OR3A2: variants seen among roughly 807,000 people sequenced by gnomAD.
OR3A2 encodes olfactory receptor 3A2.
For synonymous variants in OR3A2, 126 were observed against 159.3 expected, an observed-to-expected ratio of 0.79 and a Z score of 1.57; for missense variants, 318 against 392.8, an observed-to-expected ratio of 0.81 and a Z score of 1.61.
intron 2 of OR3A2, among the ~76,000 whole-genome samples, chr17:3,361,382 T>C (rs544172966): frequency 1.7e-4 from 26 of 151,684 alleles, no homozygotes; most frequent in Admixed American, 1.3e-4. Context: ...TGACTTCCTC[T>C]TTTCCTAACT....
At chr17:3,353,036 T>G (rs959811242) in intron 2 of OR3A2, among the ~76,000 whole-genome samples, 12 of 151,798 alleles carry the variant, frequency 7.9e-5, no homozygotes, top group African/African-American at 2.7e-4. Context: ...CTTTTCAGAT[T>G]GTTCACTGTT....
intron 2 of OR3A2, among the ~76,000 whole-genome samples, chr17:3,371,694 G>A (rs1342646128): frequency 3.1e-5 from 4 of 127,360 alleles, no homozygotes; most frequent in Admixed American, 1.5e-4. Context: ...CCGGGCGGGG[G>A]TGCTGACCCC....
intron 3 of OR3A2, among the ~76,000 whole-genome samples, chr17:3,331,787 C>T (rs540536210): frequency 9.2e-5 from 14 of 151,790 alleles, no homozygotes; most frequent in East Asian, 3.9e-4. Context: ...GGAGGAGAGG[C>T]GCTCTGCATT....
At chr17:3,319,138 C>A (rs2017991) in intron 3 of OR3A2, among the ~76,000 whole-genome samples, 5,948 of 152,156 alleles carry the variant, frequency 0.039, 183 homozygotes, top group Middle Eastern at 0.082. Context: ...AGTGTCCCTC[C>A]ACTAATTAAT....
At chr17:3,298,788 A>G (rs2048940921) in intron 3 of OR3A2, among the ~76,000 whole-genome samples, 1 of 152,190 alleles carries the variant, frequency 6.6e-6, no homozygotes, top group Non-Finnish European at 1.5e-5. Flanking sequence ...AGCACTGTGC[A>G]GGCCTGTGCT....
At chr17:3,347,061 G>A (rs980786280) in intron 2 of OR3A2, among the ~76,000 whole-genome samples, 39 of 152,076 alleles carry the variant, frequency 2.6e-4, no homozygotes, top group African/African-American at 8.9e-4. Flanking sequence ...ACGTAGCAGC[G>A]AGACTGCTGG....
At chr17:3,360,463 T>C (rs2049503272) in intron 2 of OR3A2, among the ~76,000 whole-genome samples, 1 of 151,796 alleles carries the variant, frequency 6.6e-6, no homozygotes, top group Non-Finnish European at 1.5e-5. Context: ...TGCCATTGCT[T>C]TTGGTGTTTT....
At chr17:3,348,716 A>T (rs983955475) in intron 2 of OR3A2, among the ~76,000 whole-genome samples, 11 of 152,132 alleles carry the variant, frequency 7.2e-5, no homozygotes, top group South Asian at 2.1e-4. Context: ...GCAACTCCAA[A>T]ATACATAATT....
At chr17:3,344,618 T>C (rs959057654) in intron 2 of OR3A2, among the ~76,000 whole-genome samples, 1 of 152,178 alleles carries the variant, frequency 6.6e-6, no homozygotes, top group African/African-American at 2.4e-5. Context: ...TATAGTCATA[T>C]CCTTTTCCTT....
At chr17:3,336,763 G>A (rs1027870722) in intron 2 of OR3A2, among the ~76,000 whole-genome samples, 1 of 152,132 alleles carries the variant, frequency 6.6e-6, no homozygotes, top group Non-Finnish European at 1.5e-5. Context: ...AGACTAGACA[G>A]ACTTCTCCAC....
chr17:3,347,602 C>T (rs1202934966), intron 2 of OR3A2, among the ~76,000 whole-genome samples: 2 of 152,214 alleles, frequency 1.3e-5, no homozygotes, highest in Non-Finnish European at 2.9e-5. Flanking sequence ...GCATAGTATT[C>T]CATGGTGTAT....
chr17:3,385,460 T>C (rs1376318104), intron 1 of OR3A2, among the ~76,000 whole-genome samples: 3 of 152,270 alleles, frequency 2.0e-5, no homozygotes, highest in African/African-American at 4.8e-5. Flanking sequence ...GATAGATAGA[T>C]AGATAGATAG....
chr17:3,303,772 A>C (rs1484909656), intron 3 of OR3A2, among the ~76,000 whole-genome samples: 1 of 148,762 alleles, frequency 6.7e-6, no homozygotes, highest in Non-Finnish European at 1.5e-5. Context: ...GGTGCCTGTA[A>C]TCCCAGCTAC....
chr17:3,383,295 G>T (rs1178227002), intron 2 of OR3A2, among the ~76,000 whole-genome samples: 3 of 152,148 alleles, frequency 2.0e-5, no homozygotes, highest in African/African-American at 2.4e-5. Flanking sequence ...TCCAGCGCTG[G>T]ACTGGCCTAT....
intron 2 of OR3A2, among the ~76,000 whole-genome samples, chr17:3,375,416 C>T (rs1016948880): frequency 6.6e-6 from 1 of 151,074 alleles, no homozygotes; most frequent in Non-Finnish European, 1.5e-5. Flanking sequence ...GATTCTCCTG[C>T]CTCAGCCTCC....
In OR3A2 at chr17:3,296,074, C is replaced by G. The variant is rs9652830; in HGVS notation, c.-84-16921G>C. Among the ~76,000 whole-genome samples, 549 of 152,064 alleles carry G rather than the reference C, an allele frequency of 3.6e-3. 4 individuals are homozygous for G. Among genetic ancestry groups the G allele is most frequent in the African/African-American group, 0.013 (525 of 41,504 alleles). On this transcript the variant is annotated intron_variant, in intron 3 of 4. Transcript: ENST00000573491. ...GACATTGTACACCTTCCTTAAAGTG[C>G]CCATGAAACATTTACTGCCCAGAAA...
chr17:3,327,915 T>C lies in OR3A2; in HGVS notation c.-85+8118A>G, dbSNP rs1375887427. Among the ~76,000 whole-genome samples, 9 of 142,550 alleles carry C rather than the reference T, an allele frequency of 6.3e-5. 1 individual carries two copies. Among genetic ancestry groups the C allele is most frequent in the African/African-American group, 8.5e-5 (3 of 35,192 alleles). 93.5% of individuals were successfully genotyped at this position (142,550 alleles called of 152,430 possible). A position where few individuals can be genotyped will look rare whatever the true frequency, so the allele number is the denominator to read the frequency against. On this transcript the variant is annotated intron_variant, in intron 3 of 4. Transcript: ENST00000573491. ...GGCTCTGTTCTGTTCCATTGACCTA[T>C]ATCTCTGTTTTGGTACCAGTACCAT...
chr17:3,294,271 A>C (rs1188442236), intron 3 of OR3A2, among the ~76,000 whole-genome samples: 1 of 152,060 alleles, frequency 6.6e-6, no homozygotes. Context: ...AAGAAAGATA[A>C]GAAATATGAG....
At chr17:3,291,932 A>T in intron 3 of OR3A2, 1 of 1,614,228 alleles carries the variant, frequency 6.2e-7, no homozygotes, top group Non-Finnish European at 8.5e-7. Context: ...AGGAGATGAC[A>T]ATGAGAGCCA....
Sources: gnomAD v4.1 joint callset for allele counts (sites outside exome capture counted in the v4.1 genomes callset) on GRCh38, gnomAD v4.1.1 for gene constraint, MANE v1.5 for transcripts, NCBI Gene and HGNC (gene_info 2026-07-23, HGNC 2026-07-21) for gene names.